DCC: variants seen among roughly 807,000 people sequenced by gnomAD.
DCC encodes DCC netrin 1 receptor.
Under a neutral mutation model 172.5 loss-of-function variants are expected in DCC, and 58 were observed. The observed-to-expected ratio is 0.34, with a 90% CI of 0.27 to 0.42. The LOEUF is 0.42. Among genes scored for constraint, DCC ranks in the 10% least tolerant of loss-of-function variants. The pLI, the probability that DCC is intolerant of heterozygous loss-of-function variation, is 1.00. For synonymous variants in DCC, 709 were observed against 644.5 expected, an observed-to-expected ratio of 1.10 and a Z score of -1.52; for missense variants, 1,740 against 1,791.0, an observed-to-expected ratio of 0.97 and a Z score of 0.51.
At chr18:53,340,339 C>T (rs866932939) in intron 15 of DCC, among the ~76,000 whole-genome samples, 1 of 152,028 alleles carries the variant, frequency 6.6e-6, no homozygotes, top group Non-Finnish European at 1.5e-5. Context: ...TTTTCTTTAA[C>T]CTTGAAATAT....
At chr18:52,931,741 G>A (rs1286401391) in intron 5 of DCC, 1 of 151,874 alleles carries the variant, frequency 6.6e-6, no homozygotes, top group Non-Finnish European at 1.5e-5. Flanking sequence ...AAGTTCATAG[G>A]TATTTTCTTT....
intron 1 of DCC, among the ~76,000 whole-genome samples, chr18:52,570,639 A>T (rs949105273): frequency 1.3e-5 from 2 of 152,192 alleles, no homozygotes; most frequent in South Asian, 4.1e-4. Context: ...GTTTTGTGTC[A>T]TATTATGATG....
At chr18:53,455,765 T>C (rs1040002599) in intron 23 of DCC, among the ~76,000 whole-genome samples, 1 of 152,202 alleles carries the variant, frequency 6.6e-6, no homozygotes, top group African/African-American at 2.4e-5. Flanking sequence ...TCCCTTCTAC[T>C]TTTTCATGCA....
At chr18:52,957,662 G>A (rs1395957394) in intron 5 of DCC, among the ~76,000 whole-genome samples, 3 of 152,136 alleles carry the variant, frequency 2.0e-5, no homozygotes, top group Admixed American at 6.5e-5. Flanking sequence ...TCACTCCACT[G>A]TGGGTTTTCA....
chr18:53,073,510 A>G (rs1264658306), intron 7 of DCC, among the ~76,000 whole-genome samples: 1 of 152,210 alleles, frequency 6.6e-6, no homozygotes, highest in African/African-American at 2.4e-5. Flanking sequence ...TGGGTGACAG[A>G]GCGAGACTCC....
At chr18:52,490,193 C>A (rs1145244) in intron 1 of DCC, among the ~76,000 whole-genome samples, 31,536 of 151,964 alleles carry the variant, frequency 0.21, 4,150 homozygotes, top group Non-Finnish European at 0.29. Context: ...TACTAATAGA[C>A]CTGGCAATTT....
At chr18:53,323,545 GA>G (rs1254472910) in intron 14 of DCC, among the ~76,000 whole-genome samples, 18 of 152,186 alleles carry the variant, frequency 1.2e-4, no homozygotes, top group African/African-American at 3.1e-4. Flanking sequence ...AAGAAAGACA[GA>G]CATTTTAGGT....
intron 2 of DCC, among the ~76,000 whole-genome samples, chr18:52,881,264 C>T (rs2039481024): frequency 6.6e-6 from 1 of 152,026 alleles, no homozygotes; most frequent in Non-Finnish European, 1.5e-5. Flanking sequence ...AGTCCCTTGT[C>T]AGATGGGTAG....
At chr18:53,308,191 T>C (rs1220097739) in intron 13 of DCC, among the ~76,000 whole-genome samples, 2 of 151,580 alleles carry the variant, frequency 1.3e-5, no homozygotes, top group Admixed American at 1.3e-4. Flanking sequence ...CACAGTTGTA[T>C]CTTGGAATAC....
intron 1 of DCC, among the ~76,000 whole-genome samples, chr18:52,511,854 C>T (rs917272838): frequency 2.6e-5 from 4 of 152,152 alleles, no homozygotes; most frequent in African/African-American, 7.2e-5. Flanking sequence ...CTGGCTTTCT[C>T]GTGCTAACAT....
chr18:52,487,718 T>C (rs1170412594), intron 1 of DCC, among the ~76,000 whole-genome samples: 1 of 140,410 alleles, frequency 7.1e-6, no homozygotes, highest in Non-Finnish European at 1.5e-5. Flanking sequence ...GGCTGAGGCA[T>C]AAGGATGGTT....
At chr18:53,014,286 A>AT (rs542171317) in intron 5 of DCC, among the ~76,000 whole-genome samples, 179 of 151,180 alleles carry the variant, frequency 1.2e-3, no homozygotes, top group Non-Finnish European at 2.1e-3. Flanking sequence ...ATGGATAATT[A>AT]TTTTTTTTAT....
At chr18:52,950,099 T>C (rs1488818593) in intron 5 of DCC, among the ~76,000 whole-genome samples, 1 of 152,218 alleles carries the variant, frequency 6.6e-6, no homozygotes, top group Non-Finnish European at 1.5e-5. Context: ...TTCTATATTG[T>C]TTGAAGGCTG....
At chr18:52,969,025 A>AG (rs2040980139) in intron 5 of DCC, among the ~76,000 whole-genome samples, 1 of 152,020 alleles carries the variant, frequency 6.6e-6, no homozygotes, top group African/African-American at 2.4e-5. Context: ...AACAAAAAAA[A>AG]ACGGTTCTCC....
At chr18:52,840,964 G>GA (rs5741773) in intron 2 of DCC, among the ~76,000 whole-genome samples, 11,415 of 151,136 alleles carry the variant, frequency 0.076, 787 homozygotes, top group East Asian at 0.3. Context: ...ATGCTATGAT[G>GA]AAAAAAAAAA....
At chr18:53,525,087 A>C (rs2144611173) in intron 27 of DCC, among the ~76,000 whole-genome samples, 1 of 152,196 alleles carries the variant, frequency 6.6e-6, no homozygotes, top group South Asian at 2.1e-4. Flanking sequence ...ACTAAGTACC[A>C]GCCACTTTAA....
At chr18:53,293,579 G>A (rs2144754745) in intron 12 of DCC, among the ~76,000 whole-genome samples, 1 of 152,224 alleles carries the variant, frequency 6.6e-6, no homozygotes, top group Non-Finnish European at 1.5e-5. Context: ...CAGGTACTAA[G>A]CCTAGTACTC....
chr18:52,865,027 G>A (rs2039200132), intron 2 of DCC, among the ~76,000 whole-genome samples: 1 of 151,912 alleles, frequency 6.6e-6, no homozygotes. Context: ...CACCACGCCT[G>A]GCTAATTTTT....
At chr18:52,850,419 T>G (rs564254562) in intron 2 of DCC, among the ~76,000 whole-genome samples, 1 of 152,296 alleles carries the variant, frequency 6.6e-6, no homozygotes, top group East Asian at 1.9e-4. Context: ...TACAGCTGAT[T>G]TTTAAACATG....
Sources: gnomAD v4.1 joint callset for allele counts (sites outside exome capture counted in the v4.1 genomes callset) on GRCh38, gnomAD v4.1.1 for gene constraint, MANE v1.5 for transcripts, NCBI Gene and HGNC (gene_info 2026-07-23, HGNC 2026-07-21) for gene names.